SUPT3H: variants seen among roughly 807,000 people sequenced by gnomAD.
SUPT3H encodes transcription initiation protein SPT3 homolog.
A neutral mutation model predicts 44.3 loss-of-function variants in SUPT3H; 44 were observed. The observed-to-expected ratio is 0.99, with a 90% CI of 0.78 to 1.28. The LOEUF (loss-of-function observed/expected upper bound fraction) is 1.28, where lower values mean the gene tolerates loss of function less well. Ranked by LOEUF, SUPT3H falls within the 50% of genes most tolerant of loss-of-function variation. The pLI, the probability that SUPT3H is intolerant of heterozygous loss-of-function variation, is 0.00. For missense variants in SUPT3H, 380 were observed against 387.1 expected (o/e 0.98, Z 0.15); for synonymous variants, 124 against 125.6 (o/e 0.99, Z 0.09).
chr6:45,028,054 A>G (rs560022705), intron 3 of SUPT3H, among the ~76,000 whole-genome samples: 1 of 152,234 alleles, frequency 6.6e-6, no homozygotes, highest in South Asian at 2.1e-4. Context: ...CAATACTTCA[A>G]CCTGTATGTT....
At chr6:45,150,914 G>A (rs1806868405) in intron 2 of SUPT3H, among the ~76,000 whole-genome samples, 1 of 151,852 alleles carries the variant, frequency 6.6e-6, no homozygotes. Context: ...AGTAGAGACA[G>A]GTTTCACCAC....
chr6:45,026,764 G>A (rs1186427356), intron 3 of SUPT3H, among the ~76,000 whole-genome samples: 1 of 151,768 alleles, frequency 6.6e-6, no homozygotes, highest in Non-Finnish European at 1.5e-5. Context: ...TATTATGAGA[G>A]GTGAAAAAGA....
chr6:45,178,530 C>A (rs1693972), intron 2 of SUPT3H, among the ~76,000 whole-genome samples: 2 of 151,964 alleles, frequency 1.3e-5, no homozygotes, highest in African/African-American at 4.8e-5. Flanking sequence ...AACAAGGATA[C>A]CCAGGAATTG....
intron 9 of SUPT3H, among the ~76,000 whole-genome samples, chr6:44,934,992 T>A (rs1251246583): frequency 6.6e-6 from 1 of 152,224 alleles, no homozygotes; most frequent in Non-Finnish European, 1.5e-5. Flanking sequence ...AATAAAAACA[T>A]TGAATTTTGT....
At chr6:45,018,998 G>A (rs528338652) in intron 4 of SUPT3H, among the ~76,000 whole-genome samples, 211 of 152,232 alleles carry the variant, frequency 1.4e-3, no homozygotes, top group African/African-American at 4.8e-3. Flanking sequence ...TGGTTGGTAA[G>A]CTATTGATTA....
intron 2 of SUPT3H, among the ~76,000 whole-genome samples, chr6:45,245,755 A>G (rs1237602963): frequency 6.6e-6 from 1 of 152,252 alleles, no homozygotes; most frequent in Non-Finnish European, 1.5e-5. Context: ...CTGGTGTACC[A>G]ATATCCATTT....
At chr6:44,920,114 G>A (rs962854528) in intron 10 of SUPT3H, among the ~76,000 whole-genome samples, 2 of 152,044 alleles carry the variant, frequency 1.3e-5, no homozygotes, top group Non-Finnish European at 2.9e-5. Flanking sequence ...TCCTGACCTC[G>A]TTATCCACCC....
At chr6:45,198,727 A>G (rs901954486) in intron 2 of SUPT3H, among the ~76,000 whole-genome samples, 1 of 13,332 alleles carries the variant, frequency 7.5e-5, no homozygotes, top group Non-Finnish European at 1.8e-4. Context: ...CTAAGCTGCT[A>G]TATCTTTCCT....
At chr6:45,209,733 G>C (rs1271626474) in intron 2 of SUPT3H, among the ~76,000 whole-genome samples, 1 of 152,206 alleles carries the variant, frequency 6.6e-6, no homozygotes, top group Non-Finnish European at 1.5e-5. Flanking sequence ...AGGTTTGAGA[G>C]AACTGAATCC....
At position 45,375,130 on chromosome 6, in the gene SUPT3H, C is replaced by T. The variant is rs183227011; in HGVS notation, c.-1+2638G>A. On this transcript the variant is annotated intron_variant, in intron 1 of 10. Transcript: ENST00000371459. ...GCTGAGGCAGGAGAATCGCTTGAAC[C>T]CAGGAGGGGGAGGTTGCAGTGAGCT... 1.1e-4 allele frequency among the ~76,000 whole-genome samples: 16 copies of T among 152,294 alleles called. No individual in the cohort carries two copies. In the East Asian group the frequency reaches 3.1e-3, roughly 29 times the overall value.
chr6:45,067,653 G>A (rs1793606414), intron 3 of SUPT3H, among the ~76,000 whole-genome samples: 1 of 150,890 alleles, frequency 6.6e-6, no homozygotes, highest in Admixed American at 6.6e-5. Context: ...GTGGGCGAAG[G>A]ACATGAACAG....
At chr6:45,295,010 T>C (rs1371214001) in intron 2 of SUPT3H, among the ~76,000 whole-genome samples, 2 of 151,960 alleles carry the variant, frequency 1.3e-5, no homozygotes, top group African/African-American at 2.4e-5. Context: ...CTAAAATTCA[T>C]ATGGAAGCAA....
chr6:45,121,527 G>A (rs537508141), intron 2 of SUPT3H, among the ~76,000 whole-genome samples: 1 of 151,818 alleles, frequency 6.6e-6, no homozygotes, highest in Admixed American at 6.6e-5. Context: ...GTGGGGGGGG[G>A]GGTGGATTAT....
At chr6:44,972,784 G>A (rs1432458668) in intron 6 of SUPT3H, among the ~76,000 whole-genome samples, 1 of 152,194 alleles carries the variant, frequency 6.6e-6, no homozygotes, top group Non-Finnish European at 1.5e-5. Flanking sequence ...TGTGGAAGCT[G>A]CCAAGGCTTG....
At chr6:45,182,344 T>C (rs1813419425) in intron 2 of SUPT3H, among the ~76,000 whole-genome samples, 2 of 152,300 alleles carry the variant, frequency 1.3e-5, no homozygotes, top group African/African-American at 4.8e-5. Flanking sequence ...CACTGCAACC[T>C]CCGCCTCCCA....
intron 2 of SUPT3H, among the ~76,000 whole-genome samples, chr6:45,322,097 A>C (rs1785584335): frequency 6.6e-6 from 1 of 152,092 alleles, no homozygotes; most frequent in Admixed American, 6.5e-5. Context: ...TTAACATTTT[A>C]TAAAAGTCTA....
At chr6:45,188,297 A>G (rs1195532293) in intron 2 of SUPT3H, among the ~76,000 whole-genome samples, 1 of 152,260 alleles carries the variant, frequency 6.6e-6, no homozygotes, top group African/African-American at 2.4e-5. Context: ...TTATGCTGAG[A>G]TTGCTAAGAC....
intron 2 of SUPT3H, among the ~76,000 whole-genome samples, chr6:45,135,037 G>C (rs559168249): frequency 5.9e-5 from 9 of 152,342 alleles, no homozygotes; most frequent in African/African-American, 2.2e-4. Flanking sequence ...AAAGTTTACA[G>C]GTTGTACCTT....
intron 3 of SUPT3H, among the ~76,000 whole-genome samples, chr6:45,051,945 C>T (rs558516174): frequency 2.0e-5 from 3 of 151,976 alleles, no homozygotes; most frequent in Non-Finnish European, 4.4e-5. Context: ...GAGGACAGTG[C>T]CATTGGAGAG....
Sources: gnomAD v4.1 joint callset for allele counts (sites outside exome capture counted in the v4.1 genomes callset) on GRCh38, gnomAD v4.1.1 for gene constraint, MANE v1.5 for transcripts, NCBI Gene and HGNC (gene_info 2026-07-23, HGNC 2026-07-21) for gene names.